The following RABGAP1L variants were observed in gnomAD, a reference collection of about 807,000 sequenced individuals.
RABGAP1L encodes rab GTPase-activating protein 1-like.
A neutral mutation model predicts 137.7 loss-of-function variants in RABGAP1L; 63 were observed. That is an observed-to-expected ratio of 0.46 (90% CI 0.37 to 0.56). RABGAP1L has a LOEUF of 0.56. Ranked by LOEUF, RABGAP1L falls within the 20% of genes least tolerant of loss-of-function variation. The pLI is 0.00. For synonymous variants in RABGAP1L, 431 were observed against 433.7 expected, an observed-to-expected ratio of 0.99 and a Z score of 0.08; for missense variants, 1,095 against 1,244.0, an observed-to-expected ratio of 0.88 and a Z score of 1.80.
At chr1:174,421,530 G>C (rs116404605) in intron 13 of RABGAP1L, among the ~76,000 whole-genome samples, 3,069 of 152,174 alleles carry the variant, frequency 0.02, 108 homozygotes, top group African/African-American at 0.071. Flanking sequence ...CATTTCTCTT[G>C]AGCCTGAAAT....
rs540156301 is a variant in RABGAP1L, at chr1:174,578,135, A to G, written c.1711-59240A>G. ...GTTTGAATATTTTCATTTGTCCACTATACTTTTAAAAAAATTAAACTGTAA... is the reference window on the plus strand; with the variant it reads ...GTTTGAATATTTTCATTTGTCCACTGTACTTTTAAAAAAATTAAACTGTAA... On this transcript the variant is annotated intron_variant, in intron 13 of 25. Transcript: ENST00000681986. Among the ~76,000 whole-genome samples, 38 of 152,352 alleles carry G rather than the reference A, an allele frequency of 2.5e-4. 1 individual carries two copies. In the South Asian group the frequency reaches 7.0e-3, roughly 28 times the overall value.
At chr1:174,583,220 C>T (rs1212003587) in intron 13 of RABGAP1L, among the ~76,000 whole-genome samples, 1 of 152,090 alleles carries the variant, frequency 6.6e-6, no homozygotes, top group Non-Finnish European at 1.5e-5. Context: ...GACATATTGA[C>T]CAAAATTACG....
chr1:174,620,731 A>C (rs990989234), intron 13 of RABGAP1L, among the ~76,000 whole-genome samples: 1 of 152,208 alleles, frequency 6.6e-6, no homozygotes, highest in African/African-American at 2.4e-5. Flanking sequence ...AGAACTAGAG[A>C]AGCAAGATGA....
At chr1:174,623,330 G>C (rs1408767604) in intron 13 of RABGAP1L, among the ~76,000 whole-genome samples, 1 of 152,092 alleles carries the variant, frequency 6.6e-6, no homozygotes, top group Non-Finnish European at 1.5e-5. Context: ...AGCAAGTTAG[G>C]GAGAACACAA....
intron 13 of RABGAP1L, among the ~76,000 whole-genome samples, chr1:174,441,595 G>T (rs1205509858): frequency 2.0e-5 from 3 of 151,966 alleles, no homozygotes; most frequent in African/African-American, 7.3e-5. Context: ...TTAGTCAGGC[G>T]TGGTGGTGCA....
chr1:174,696,136 C>A (rs1679239675), intron 15 of RABGAP1L, among the ~76,000 whole-genome samples: 1 of 152,014 alleles, frequency 6.6e-6, no homozygotes, highest in African/African-American at 2.4e-5. Context: ...CAGGGTCTTT[C>A]CATTCAGGGT....
chr1:174,933,133 T>A (rs1664140319), intron 19 of RABGAP1L, among the ~76,000 whole-genome samples: 1 of 151,888 alleles, frequency 6.6e-6, no homozygotes, highest in Non-Finnish European at 1.5e-5. Flanking sequence ...CATACATACA[T>A]ACATACATAC....
chr1:174,257,581 T>C (rs968601020), intron 7 of RABGAP1L, among the ~76,000 whole-genome samples: 2 of 152,232 alleles, frequency 1.3e-5, no homozygotes, highest in Admixed American at 6.5e-5. Context: ...ATCTTTAATA[T>C]TGATATCTTC....
chr1:174,378,390 A>G (rs1233210305), intron 12 of RABGAP1L, among the ~76,000 whole-genome samples: 1 of 149,874 alleles, frequency 6.7e-6, no homozygotes, highest in Non-Finnish European at 1.5e-5. Flanking sequence ...GAACTAGTTT[A>G]CAGTCCCACC....
intron 7 of RABGAP1L, among the ~76,000 whole-genome samples, chr1:174,266,778 A>G (rs1674107697): frequency 6.6e-6 from 1 of 152,194 alleles, no homozygotes; most frequent in Non-Finnish European, 1.5e-5. Context: ...TTTTACAAAA[A>G]TGGATAATCC....
chr1:174,615,650 C>T (rs1671763113), intron 13 of RABGAP1L, among the ~76,000 whole-genome samples: 1 of 152,200 alleles, frequency 6.6e-6, no homozygotes, highest in East Asian at 1.9e-4. Flanking sequence ...TTACTGCTGT[C>T]TTGTTGTTTG....
chr1:174,283,812 G>A (rs1328515619), intron 10 of RABGAP1L, among the ~76,000 whole-genome samples: 1 of 152,122 alleles, frequency 6.6e-6, no homozygotes, highest in Non-Finnish European at 1.5e-5. Flanking sequence ...TGTCCTTTAG[G>A]AGTTGCTGTC....
chr1:174,934,529 G>A (rs1664416792), intron 19 of RABGAP1L, among the ~76,000 whole-genome samples: 1 of 152,158 alleles, frequency 6.6e-6, no homozygotes, highest in Admixed American at 6.5e-5. Context: ...GCTCGCGTGT[G>A]TAATCCCAGC....
intron 12 of RABGAP1L, among the ~76,000 whole-genome samples, chr1:174,388,115 A>G (rs1413548916): frequency 6.6e-6 from 1 of 152,074 alleles, no homozygotes; most frequent in African/African-American, 2.4e-5. Flanking sequence ...TAGGTAAAGC[A>G]CCTGTCATGT....
intron 11 of RABGAP1L, among the ~76,000 whole-genome samples, chr1:174,332,808 C>T (rs1423767563): frequency 2.0e-5 from 3 of 152,134 alleles, no homozygotes; most frequent in Non-Finnish European, 4.4e-5. Flanking sequence ...AAAACTGATC[C>T]GGCAGTCTCA....
At chr1:174,665,238 C>G (rs912718032) in intron 14 of RABGAP1L, among the ~76,000 whole-genome samples, 43 of 152,150 alleles carry the variant, frequency 2.8e-4, no homozygotes, top group African/African-American at 8.2e-4. Context: ...AGTTTGAATT[C>G]TAGCTCTGCT....
intron 20 of RABGAP1L, among the ~76,000 whole-genome samples, chr1:174,963,573 A>T (rs1390398192): frequency 6.6e-6 from 1 of 151,572 alleles, no homozygotes; most frequent in Non-Finnish European, 1.5e-5. Context: ...TTACTGAGAA[A>T]ATTACCTGAC....
At position 174,991,036 on chromosome 1, in the gene RABGAP1L, G is replaced by C. The variant is rs1482426759; in HGVS notation, c.*1035G>C. 6.6e-6 allele frequency: 1 copy of C among 152,162 alleles called. No homozygotes were observed. Among genetic ancestry groups the C allele is most frequent in the Non-Finnish European group, 1.5e-5 (1 of 68,012 alleles). 9.4% of individuals were successfully genotyped at this position (152,162 alleles called of 1,614,324 possible). ...AGTTTAATGCTGGGCAACTTTTTCT[G>C]ATTTCTGTAGTTCCCTGAAAATGTG... is the stretch of plus-strand genomic sequence containing the variant. On this transcript the variant is annotated 3_prime_UTR_variant, in exon 26 of 26. Coordinates refer to ENST00000681986, the MANE Select transcript of RABGAP1L (RefSeq NM_001366446.1).
At chr1:174,868,169 G>C (rs374015795) in intron 19 of RABGAP1L, among the ~76,000 whole-genome samples, 1 of 151,690 alleles carries the variant, frequency 6.6e-6, no homozygotes, top group South Asian at 2.1e-4. Context: ...ATGTTGGCCA[G>C]GCTGGTCTCG....
Sources: gnomAD v4.1 joint callset for allele counts (sites outside exome capture counted in the v4.1 genomes callset) on GRCh38, gnomAD v4.1.1 for gene constraint, MANE v1.5 for transcripts, NCBI Gene and HGNC (gene_info 2026-07-23, HGNC 2026-07-21) for gene names.